CDK18: variants seen among roughly 807,000 people sequenced by gnomAD.
CDK18 encodes the protein cyclin-dependent kinase 18.
In CDK18, 52 loss-of-function variants were observed where a neutral mutation model predicts 62.0. That is an observed-to-expected ratio of 0.84 (90% CI 0.67 to 1.06). CDK18 has a LOEUF of 1.06. Among genes scored for constraint, CDK18 ranks in the 50% least tolerant of loss-of-function variants. The pLI is 0.00. For missense variants in CDK18, 604 were observed against 619.9 expected, an observed-to-expected ratio of 0.97 and a Z score of 0.27; for synonymous variants, 237 against 247.0, an observed-to-expected ratio of 0.96 and a Z score of 0.38.
chr1:205,529,140 C>G (rs1418217708), intron 11 of CDK18, 44 bp downstream of exon 11: 13 of 1,498,074 alleles, frequency 8.7e-6, no homozygotes, highest in Admixed American at 1.9e-5. Flanking sequence ...CAGGGGGCGC[C>G]GGAACTCCTC....
Position 205,517,442 on chromosome 1 carries a change from C to T in CDK18, c.-21-5705C>T, listed in dbSNP as rs147950351. Among the ~76,000 whole-genome samples the T allele has an allele frequency of 2.3e-3, 347 of 152,266 alleles. 7 individuals carry two copies. Among genetic ancestry groups the T allele is most frequent in the Admixed American group, 0.02 (303 of 15,302 alleles). On this transcript the variant is annotated intron_variant, in intron 1 of 15. Coordinates refer to ENST00000429964, the MANE Select transcript of CDK18 (RefSeq NM_212502.3). This position sits in a 1 kb window ranked among gnomAD's most constrained non-coding sequence, Gnocchi z 4.1. ...CTTGAGAGAGGAGAGCCAAGCTTTGCTGGACATCTTCCCTGTGCCAGTGGT... is the reference window on the plus strand; with the variant it reads ...CTTGAGAGAGGAGAGCCAAGCTTTGTTGGACATCTTCCCTGTGCCAGTGGT...
chr1:205,521,331 C>T (rs540963886), intron 1 of CDK18, among the ~76,000 whole-genome samples: 10 of 152,356 alleles, frequency 6.6e-5, no homozygotes, highest in Middle Eastern at 3.4e-3. Context: ...CCTGCTTCAG[C>T]CTCCCAAGTA....
intron 15 of CDK18, 57 bp downstream of exon 15, chr1:205,530,762 G>A (rs1668699154): frequency 9.0e-6 from 13 of 1,452,142 alleles, no homozygotes; most frequent in Middle Eastern, 3.4e-4. Flanking sequence ...CAGAGCAGGC[G>A]ACCCCTCCCC....
chr1:205,521,541 A>C (rs960545488), intron 1 of CDK18, among the ~76,000 whole-genome samples: 1 of 152,212 alleles, frequency 6.6e-6, no homozygotes, highest in African/African-American at 2.4e-5. Context: ...GAACTGAGTG[A>C]GACTTCAGGG....
Position 205,507,599 on chromosome 1 carries a change from A to T in CDK18, c.-22+2803A>T, listed in dbSNP as rs1160915347. Among the ~76,000 whole-genome samples, 3 of 131,772 alleles carry T rather than the reference A, an allele frequency of 2.3e-5. No homozygotes were observed. In the Admixed American group the frequency reaches 2.8e-4, roughly 12 times the overall value. 86.4% of individuals were successfully genotyped at this position (131,772 alleles called of 152,430 possible). On this transcript the variant is annotated intron_variant, in intron 1 of 15. Coordinates refer to ENST00000429964, the MANE Select transcript of CDK18 (RefSeq NM_212502.3). ...TAGTGAGCCGAGATTGCACCGCTGT[A>T]CTCCAGCCTGGGCGACAGAGCGAGA...
Position 205,527,190 on chromosome 1 carries a change from A to C in CDK18, c.729+353A>C. The C allele has an allele frequency of 3.7e-6, 1 of 270,814 alleles. No individual in the cohort carries two copies. The allele number at this position is 270,814 out of a possible 1,614,324, so 16.8% of individuals were successfully genotyped here. A position where few individuals can be genotyped will look rare whatever the true frequency, so the allele number is the denominator to read the frequency against. Reference sequence around the variant, plus strand: ...GAATGACCTCTCCTGGTGTTTGTTAAAGAATCAAGGCTGGGCATGGTGGCC... The same window carrying C: ...GAATGACCTCTCCTGGTGTTTGTTACAGAATCAAGGCTGGGCATGGTGGCC... On this transcript the variant is annotated intron_variant, in intron 8 of 15. Transcript: ENST00000429964. The surrounding 1 kb of genome is among the most constrained non-coding windows in gnomAD (Gnocchi z 4.1).
chr1:205,514,693 G>A (rs140216841), intron 1 of CDK18, among the ~76,000 whole-genome samples: 1 of 152,256 alleles, frequency 6.6e-6, no homozygotes, highest in Non-Finnish European at 1.5e-5. Context: ...GTGGCTCGAT[G>A]GCCTCATTCA....
chr1:205,524,942 C>A (rs575102898), intron 4 of CDK18, among the ~76,000 whole-genome samples, 197 bp from the exon 5 acceptor site: 2 of 152,314 alleles, frequency 1.3e-5, no homozygotes, highest in South Asian at 4.1e-4. Context: ...GGGCTCTACA[C>A]TCTTGGCTGT....
At chr1:205,515,327 C>A (rs1415828535) in intron 1 of CDK18, among the ~76,000 whole-genome samples, 1 of 152,030 alleles carries the variant, frequency 6.6e-6, no homozygotes, top group Non-Finnish European at 1.5e-5. Flanking sequence ...CAGGCGTGTG[C>A]CACCATGCCC....
Position 205,529,193 on chromosome 1 carries a change from CCT to C in CDK18, c.1072+103_1072+104del, listed in dbSNP as rs1240578925. The C allele has an allele frequency of 2.9e-6, 4 of 1,356,074 alleles. No individual in the cohort carries two copies. The East Asian group carries it at 1.0e-4, about 34-fold the overall frequency. The allele number at this position is 1,356,074 out of a possible 1,614,324, so 84.0% of individuals were successfully genotyped here. A position where few individuals can be genotyped will look rare whatever the true frequency, so the allele number is the denominator to read the frequency against. ...GGGACGGGGAGGAGCGGCTCGGCCG[CCT>C]CTCTCCCGGGCGGGGACCCCCTGTG... On this transcript the variant is annotated intron_variant, in intron 11 of 15. Coordinates refer to ENST00000429964, the MANE Select transcript of CDK18 (RefSeq NM_212502.3).
In CDK18 at chr1:205,528,809, C is replaced by G. The variant is rs1668573828; in HGVS notation, c.975-190C>G. The G allele has an allele frequency of 6.2e-6, 3 of 482,044 alleles. No homozygotes were observed. The highest frequency in any genetic ancestry group is 1.1e-5 in the Non-Finnish European group (3 of 271,460). The allele number at this position is 482,044 out of a possible 1,614,324, so 29.9% of individuals were successfully genotyped here. On this transcript the variant is annotated intron_variant, in intron 10 of 15. Transcript: ENST00000429964. The surrounding 1 kb of genome is among the most constrained non-coding windows in gnomAD (Gnocchi z 4.2). ...CAGCTTTCCCGAGCCCAGGGAAGCC[C>G]CCCAGAGAGGGGCTGTAGTGGGGGC...
intron 1 of CDK18, among the ~76,000 whole-genome samples, chr1:205,515,173 A>ATTTTT (rs34027094): frequency 0.017 from 1,959 of 117,684 alleles, 63 homozygotes; most frequent in African/African-American, 0.039. Context: ...GCTTTGAAGG[A>ATTTTT]TTTTTTTTTT....
chr1:205,522,967 AAGAGGG>A, intron 1 of CDK18, 174 bp from the exon 2 acceptor site: 3 of 602,726 alleles, frequency 5.0e-6, no homozygotes, highest in East Asian at 2.9e-5. Context: ...GACTGGGAAG[AAGAGGG>A]TGAACACCCA....
At position 205,527,512 on chromosome 1, in the gene CDK18, C is replaced by A; in HGVS notation, c.730-282C>A. 5.4e-6 allele frequency: 2 copies of A among 367,324 alleles called. No individual in the cohort carries two copies. The highest frequency in any genetic ancestry group is 1.0e-5 in the Non-Finnish European group (2 of 200,008). 22.8% of individuals were successfully genotyped at this position (367,324 alleles called of 1,614,324 possible). A position where few individuals can be genotyped will look rare whatever the true frequency, so the allele number is the denominator to read the frequency against. On this transcript the variant is annotated intron_variant, in intron 8 of 15. Coordinates refer to ENST00000429964, the MANE Select transcript of CDK18 (RefSeq NM_212502.3). This position sits in a 1 kb window ranked among gnomAD's most constrained non-coding sequence, Gnocchi z 4.1. ...AAAAAAAAAAAAAAGGGATCAAGCA[C>A]ATATGTCTCCACATAGGCGGGCATC... is the stretch of plus-strand genomic sequence containing the variant.
intron 1 of CDK18, among the ~76,000 whole-genome samples, chr1:205,506,039 C>T (rs1667290636): frequency 6.6e-6 from 1 of 152,348 alleles, no homozygotes; most frequent in Admixed American, 6.5e-5. Flanking sequence ...CGGGCATGGG[C>T]ATGCAGCACA....
chr1:205,524,246 G>T lies in CDK18; in HGVS notation c.288G>T (p.Arg96Ser), dbSNP rs61733643. Residue 96 changes from arginine to serine, a missense_variant, in exon 4 of 16, where the codon AGG (arginine) becomes AGT (serine). By Grantham distance (110) the Arg-to-Ser change is moderately radical. Coordinates refer to ENST00000429964, the MANE Select transcript of CDK18 (RefSeq NM_212502.3). ...TGTCACCACAGGACGTCAGCAAGAG[G>T]CTCTCTCTGCCCATGGATATCCGCC... ...RRFSMEDVSK[R>S]LSLPMDIRLP... The T allele has an allele frequency of 9.3e-5, 150 of 1,614,154 alleles. 2 individuals carry two copies. The South Asian group carries it at 1.6e-3, about 17-fold the overall frequency.
Position 205,528,247 on chromosome 1 carries a change from G to C in CDK18, c.974+79G>C. The C allele has an allele frequency of 1.3e-6, 2 of 1,527,946 alleles. No homozygotes were observed. The highest frequency in any genetic ancestry group is 1.8e-6 in the Non-Finnish European group (2 of 1,118,980). The allele number at this position is 1,527,946 out of a possible 1,614,324, so 94.6% of individuals were successfully genotyped here. The stretch of plus-strand genomic sequence containing the variant: ...CAGACTCTCCTTTGCTTCCCCAAGG[G>C]CCTCGGGGAAGAACTGCCTAACTTC... On this transcript the variant is annotated intron_variant, in intron 10 of 15. Transcript: ENST00000429964. This position sits in a 1 kb window ranked among gnomAD's most constrained non-coding sequence, Gnocchi z 4.2.
Position 205,523,227 on chromosome 1 carries a change from T to G in CDK18, c.60T>G (p.Thr20=), listed in dbSNP as rs150169367. The G allele has an allele frequency of 1.1e-4, 176 of 1,614,024 alleles. No individual in the cohort carries two copies. The highest frequency in any genetic ancestry group is 1.5e-4 in the Non-Finnish European group (172 of 1,179,998). The change falls in exon 2 of 16, where the codon ACT becomes ACG. Residue 20 remains threonine (T), a synonymous_variant. Coordinates refer to ENST00000429964, the MANE Select transcript of CDK18 (RefSeq NM_212502.3). ...KRRFSLSVPR[T]ETIEESLAEF... ...GTTTCTCCCTGTCAGTGCCCCGCACTGAGACCATTGAAGAATCCTTGGCTG... is the reference window on the plus strand; with the variant it reads ...GTTTCTCCCTGTCAGTGCCCCGCACGGAGACCATTGAAGAATCCTTGGCTG...
intron 1 of CDK18, among the ~76,000 whole-genome samples, chr1:205,509,449 T>C (rs534769724): frequency 6.6e-6 from 1 of 152,256 alleles, no homozygotes; most frequent in South Asian, 2.1e-4. Context: ...GTGGAGGCAA[T>C]TTATGGACTT....
Sources: allele counts gnomAD v4.1 joint callset (sites outside exome capture counted in the v4.1 genomes callset), GRCh38; gene constraint gnomAD v4.1.1; non-coding constraint Gnocchi (gnomAD v3.1); transcripts MANE v1.5; gene names NCBI Gene and HGNC (gene_info 2026-07-23, HGNC 2026-07-21).